Variants in CEP128 observed in about 807,000 individuals in gnomAD.
CEP128 encodes centrosomal protein 128.
In CEP128, 132 loss-of-function variants were observed where a neutral mutation model predicts 156.7. The ratio of observed to expected loss-of-function variants is 0.84; its 90% CI spans 0.73 to 0.97. The LOEUF (loss-of-function observed/expected upper bound fraction) is 0.97, where lower values mean the gene tolerates loss of function less well. Ranked by LOEUF, CEP128 falls within the 50% of genes least tolerant of loss-of-function variation. The pLI is 0.00. For synonymous variants in CEP128, 469 were observed against 448.9 expected, an observed-to-expected ratio of 1.04 and a Z score of -0.57; for missense variants, 1,252 against 1,281.9, an observed-to-expected ratio of 0.98 and a Z score of 0.36.
intron 2 of CEP128, among the ~76,000 whole-genome samples, chr14:80,936,870 C>T (rs906417513): frequency 3.3e-5 from 5 of 151,884 alleles, no homozygotes; most frequent in East Asian, 1.9e-4. Context: ...ACCTCTCACT[C>T]GCAGGGTTAG....
At chr14:80,678,592 C>A (rs762769357) in intron 19 of CEP128, among the ~76,000 whole-genome samples, 3 of 152,190 alleles carry the variant, frequency 2.0e-5, no homozygotes, top group Non-Finnish European at 2.9e-5. Context: ...AGAATGCAGA[C>A]AAACAGCCCC....
intron 13 of CEP128, among the ~76,000 whole-genome samples, chr14:80,808,813 A>C (rs1884338898): frequency 6.6e-6 from 1 of 152,164 alleles, no homozygotes; most frequent in Non-Finnish European, 1.5e-5. Flanking sequence ...ACCCAGAATA[A>C]AAGCCTAAGG....
At chr14:80,847,098 A>C (rs1886646725) in intron 9 of CEP128, among the ~76,000 whole-genome samples, 1 of 152,174 alleles carries the variant, frequency 6.6e-6, no homozygotes, top group Non-Finnish European at 1.5e-5. Flanking sequence ...GTCTCTTCAG[A>C]ATTCTCTTCT....
At chr14:80,938,779 C>A (rs1885984067) in intron 2 of CEP128, among the ~76,000 whole-genome samples, 1 of 152,050 alleles carries the variant, frequency 6.6e-6, no homozygotes, top group African/African-American at 2.4e-5. Flanking sequence ...ATAAGGACCA[C>A]TATATTTTTT....
rs143230491 is a variant in CEP128 at position 80,686,866 on chromosome 14, G to C, written c.2806+56209C>G. On this transcript the variant is annotated intron_variant, in intron 19 of 24. Coordinates refer to ENST00000555265, the MANE Select transcript of CEP128 (RefSeq NM_152446.5). Reference sequence around the variant, plus strand: ...AGAAGGATATTATATAATGGTAAAGGGTTCAATTCAACAAAAAGATCTAAC... The same window carrying C: ...AGAAGGATATTATATAATGGTAAAGCGTTCAATTCAACAAAAAGATCTAAC... Among the ~76,000 whole-genome samples the C allele has an allele frequency of 4.0e-3, 610 of 152,084 alleles. 5 individuals are homozygous for C. The highest frequency in any genetic ancestry group is 0.014 in the African/African-American group (596 of 41,500).
At chr14:80,519,392 ATAT>A (rs1749527103) in intron 23 of CEP128, among the ~76,000 whole-genome samples, 1 of 152,256 alleles carries the variant, frequency 6.6e-6, no homozygotes, top group Non-Finnish European at 1.5e-5. Context: ...TCTCTCTGGA[ATAT>A]TATAAGTTCA....
Position 80,658,811 on chromosome 14 carries a change from C to T in CEP128, c.2807-78388G>A, listed in dbSNP as rs561423215. On this transcript the variant is annotated intron_variant, in intron 19 of 24. Coordinates refer to ENST00000555265, the MANE Select transcript of CEP128 (RefSeq NM_152446.5). ...CATCAGTGCTATTTTGAGAAGGGAA[C>T]ACCATGGACAAAATCACATTAGCTA... Among the ~76,000 whole-genome samples the T allele has an allele frequency of 3.9e-4, 60 of 152,260 alleles. 1 individual carries two copies. In the South Asian group the frequency reaches 0.012, roughly 29 times the overall value.
chr14:80,734,255 A>G (rs1368564923), intron 19 of CEP128, among the ~76,000 whole-genome samples: 4 of 152,232 alleles, frequency 2.6e-5, no homozygotes, highest in Non-Finnish European at 5.9e-5. Flanking sequence ...ACAGGAAAAA[A>G]GAATATAATA....
At position 80,502,413 on chromosome 14, in the gene CEP128, T is replaced by C. The variant is rs138123284; in HGVS notation, c.3181+2499A>G. The stretch of plus-strand genomic sequence containing the variant: ...GTGGGCCTGGCCACTCCTGGCCTCT[T>C]GTTCTGTTTTCTCTGTTCTCTCAAG... On this transcript the variant is annotated intron_variant, in intron 24 of 24. Transcript: ENST00000555265. Among the ~76,000 whole-genome samples the C allele has an allele frequency of 8.3e-3, 1,268 of 152,322 alleles. 10 individuals carry two copies. The highest frequency in any genetic ancestry group is 0.034 in the Middle Eastern group (10 of 294).
intron 1 of CEP128, 87 bp downstream of exon 1, chr14:80,941,494 C>G (rs1397941723): frequency 6.6e-6 from 1 of 152,644 alleles, no homozygotes; most frequent in Non-Finnish European, 1.5e-5. Flanking sequence ...GTCCCCACCC[C>G]TGGGACGAGG....
At chr14:80,844,003 T>G (rs1275540878) in intron 9 of CEP128, among the ~76,000 whole-genome samples, 2 of 152,032 alleles carry the variant, frequency 1.3e-5, no homozygotes, top group East Asian at 3.9e-4. Context: ...TCATTTATAT[T>G]AACACATACT....
chr14:80,910,252 G>A, intron 4 of CEP128, among the ~76,000 whole-genome samples: 1 of 152,180 alleles, frequency 6.6e-6, no homozygotes, highest in East Asian at 1.9e-4. Context: ...CAGTATAAAT[G>A]CAAATAAAAT....
intron 14 of CEP128, among the ~76,000 whole-genome samples, chr14:80,483,266 C>T (rs10498538): frequency 0.49 from 74,417 of 152,100 alleles, 19,161 homozygotes; most frequent in East Asian, 0.69. Context: ...ATGACAGATA[C>T]AATCCACAAA....
chr14:80,852,122 T>C (rs1886923327), intron 9 of CEP128, among the ~76,000 whole-genome samples: 1 of 152,030 alleles, frequency 6.6e-6, no homozygotes, highest in African/African-American at 2.4e-5. Context: ...CACAAGCACA[T>C]AAAATTCTGC....
intron 19 of CEP128, among the ~76,000 whole-genome samples, chr14:80,638,684 G>T (rs1894292127): frequency 6.6e-6 from 1 of 152,188 alleles, no homozygotes. Context: ...TAGGGGCAGT[G>T]ACTAGCATAT....
At chr14:80,822,770 A>C in intron 13 of CEP128, 1 of 766,382 alleles carries the variant, frequency 1.3e-6, no homozygotes. Flanking sequence ...GGCACATAAA[A>C]CTGAAGGTGC....
rs546336491 is a variant in CEP128 at position 80,648,127 on chromosome 14, C to T, written c.2807-67704G>A. On this transcript the variant is annotated intron_variant, in intron 19 of 24. Coordinates refer to ENST00000555265, the MANE Select transcript of CEP128 (RefSeq NM_152446.5). ...AGAGAAATAAGGCTATCTCAAAAAT[C>T]AGCAGCAACTTTGTGGAATGAAAGC... Among the ~76,000 whole-genome samples the T allele has an allele frequency of 6.6e-5, 10 of 152,038 alleles. No individual in the cohort carries two copies. In the East Asian group the frequency reaches 1.9e-3, roughly 29 times the overall value.
intron 23 of CEP128, among the ~76,000 whole-genome samples, chr14:80,515,768 C>G (rs941043227): frequency 6.6e-6 from 1 of 152,182 alleles, no homozygotes; most frequent in Non-Finnish European, 1.5e-5. Context: ...AAAAGTCTTT[C>G]CCTGTGACAC....
At chr14:80,574,070 C>T (rs540586601) in intron 20 of CEP128, among the ~76,000 whole-genome samples, 4 of 152,268 alleles carry the variant, frequency 2.6e-5, no homozygotes, top group African/African-American at 7.2e-5. Context: ...ATAACTCTCA[C>T]GAGTCATCTT....
Sources: gnomAD v4.1 joint callset for allele counts (sites outside exome capture counted in the v4.1 genomes callset) on GRCh38, gnomAD v4.1.1 for gene constraint, MANE v1.5 for transcripts, NCBI Gene and HGNC (gene_info 2026-07-23, HGNC 2026-07-21) for gene names.